The following PDE1C variants were observed in gnomAD, a reference collection of about 807,000 sequenced individuals.
The protein encoded by PDE1C is phosphodiesterase 1C.
Under a neutral mutation model 93.1 loss-of-function variants are expected in PDE1C, and 62 were observed. The observed-to-expected ratio is 0.67, with a 90% CI of 0.54 to 0.82. The LOEUF is 0.82. Ranked by LOEUF, PDE1C falls within the 40% of genes least tolerant of loss-of-function variation. The probability of loss-of-function intolerance (pLI) is 0.00; values close to 1 mark genes in which losing one functional copy is unlikely to be tolerated. For missense variants in PDE1C, 742 were observed against 884.6 expected (o/e 0.84, Z 2.04); for synonymous variants, 325 against 310.1 (o/e 1.05, Z -0.50).
At chr7:31,681,394 T>C in the PDE1C span, among the ~76,000 whole-genome samples, 10 of 10,010 alleles carry the variant, frequency 1.0e-3, no homozygotes, top group Admixed American at 0.01. Flanking sequence ...GATGGATGGA[T>C]GGATGGATGG....
chr7:32,305,334 A>C (rs1585098750), intron 1 of PDE1C, among the ~76,000 whole-genome samples: 1 of 152,082 alleles, frequency 6.6e-6, no homozygotes, highest in Admixed American at 6.5e-5. Flanking sequence ...TTTTCCTGCT[A>C]CCTCTGCAGC....
intron 1 of PDE1C, among the ~76,000 whole-genome samples, chr7:32,366,885 C>T (rs187702073): frequency 0.02 from 2,093 of 105,702 alleles, 58 homozygotes; most frequent in African/African-American, 0.076. Context: ...AAAAATTAGC[C>T]AGGCATGGTG....
chr7:31,853,023 C>T (rs1195991228), intron 7 of PDE1C, among the ~76,000 whole-genome samples: 1 of 148,946 alleles, frequency 6.7e-6, no homozygotes, highest in Non-Finnish European at 1.5e-5. Flanking sequence ...GACAGTGTAA[C>T]ATCTCAACGA....
chr7:32,153,827 A>G (rs549159301), intron 3 of PDE1C, among the ~76,000 whole-genome samples: 1 of 152,314 alleles, frequency 6.6e-6, no homozygotes, highest in South Asian at 2.1e-4. Flanking sequence ...TGATTTTAGA[A>G]TTTGTTTGGT....
At chr7:32,119,754 C>T (rs1245875333) in intron 3 of PDE1C, among the ~76,000 whole-genome samples, 1 of 152,178 alleles carries the variant, frequency 6.6e-6, no homozygotes, top group East Asian at 1.9e-4. Context: ...CCATGCAACC[C>T]ATGGATCAGA....
intron 2 of PDE1C, among the ~76,000 whole-genome samples, chr7:31,939,661 T>G (rs1805558777): frequency 6.6e-6 from 1 of 152,212 alleles, no homozygotes; most frequent in Admixed American, 6.5e-5. Context: ...GTTCTCACTT[T>G]ACTTGACTCA....
At chr7:32,181,697 G>C (rs1803438739) in intron 2 of PDE1C, among the ~76,000 whole-genome samples, 1 of 151,832 alleles carries the variant, frequency 6.6e-6, no homozygotes, top group African/African-American at 2.4e-5. Flanking sequence ...AGAGAAAGCA[G>C]GAAAGATCTA....
At chr7:32,096,718 T>C (rs1397436318) in intron 3 of PDE1C, among the ~76,000 whole-genome samples, 1 of 152,206 alleles carries the variant, frequency 6.6e-6, no homozygotes, top group South Asian at 2.1e-4. Context: ...TTTATTTATA[T>C]AGAAGCAATT....
chr7:31,707,647 G>T, the PDE1C span: 1 of 206,310 alleles, frequency 4.8e-6, no homozygotes, highest in Non-Finnish European at 9.8e-6. Context: ...TTTTGCTGCT[G>T]GGCAGGACTT....
Position 32,033,449 on chromosome 7 carries a change from T to A in PDE1C, c.128+18105A>T, listed in dbSNP as rs143478048. 2.6e-3 allele frequency among the ~76,000 whole-genome samples: 393 copies of A among 152,232 alleles called. 1 individual carries two copies. Among genetic ancestry groups the A allele is most frequent in the African/African-American group, 9.2e-3 (383 of 41,532 alleles). On this transcript the variant is annotated intron_variant, in intron 2 of 17. Coordinates refer to ENST00000396191, the MANE Select transcript of PDE1C (RefSeq NM_001191057.4). ...CCCTTTGTTATTAAGGGGATAAATG[T>A]CCTTCCTTCAGTCAGTACCTTGGCA...
rs532186603 is a variant in PDE1C at position 31,773,741 on chromosome 7, A to C, written c.1960+1923T>G. Among the ~76,000 whole-genome samples, 5 of 152,256 alleles carry C rather than the reference A, an allele frequency of 3.3e-5. No homozygotes were observed. In the East Asian group the frequency reaches 9.7e-4, roughly 30 times the overall value. On this transcript the variant is annotated intron_variant, in intron 17 of 17. Coordinates refer to ENST00000396191, the MANE Select transcript of PDE1C (RefSeq NM_001191057.4). ...GAGGCTGCTCACTCACGCACCACGT[A>C]CCCAGCTTAGAAACATTAATGCATA...
At chr7:32,034,993 A>G (rs1790855703) in intron 2 of PDE1C, among the ~76,000 whole-genome samples, 1 of 152,174 alleles carries the variant, frequency 6.6e-6, no homozygotes, top group African/African-American at 2.4e-5. Flanking sequence ...TATTATTACA[A>G]TCATACTCTA....
intron 1 of PDE1C, among the ~76,000 whole-genome samples, chr7:32,233,561 A>G (rs930431521): frequency 7.2e-5 from 11 of 152,156 alleles, no homozygotes; most frequent in African/African-American, 2.7e-4. Flanking sequence ...AGTCAACTTC[A>G]GAATAAAGGA....
intron 17 of PDE1C, among the ~76,000 whole-genome samples, chr7:31,770,825 G>T (rs1018212598): frequency 3.3e-5 from 5 of 152,136 alleles, no homozygotes; most frequent in African/African-American, 1.2e-4. Flanking sequence ...TATGGTTCAT[G>T]ATCTTTCATT....
intron 2 of PDE1C, among the ~76,000 whole-genome samples, chr7:31,985,344 G>A (rs1783236887): frequency 6.6e-6 from 1 of 152,096 alleles, no homozygotes; most frequent in South Asian, 2.1e-4. Context: ...CCCCCAAAAA[G>A]TGGCTTTCCA....
chr7:32,288,940 G>T (rs900670241), intron 1 of PDE1C, among the ~76,000 whole-genome samples: 10 of 152,296 alleles, frequency 6.6e-5, no homozygotes, highest in East Asian at 3.9e-4. Flanking sequence ...TTCAGGTTTG[G>T]CATGAACTAG....
intron 1 of PDE1C, among the ~76,000 whole-genome samples, chr7:32,410,636 TATGGGTTCAGCCA>T (rs369256100): frequency 0.014 from 2,171 of 152,178 alleles, 60 homozygotes; most frequent in African/African-American, 0.05. Context: ...TCTGGATTCC[TATGGGTTCAGCCA>T]ATGGGAGGCA....
At chr7:32,336,962 A>T (rs890436329) in intron 1 of PDE1C, among the ~76,000 whole-genome samples, 1 of 152,150 alleles carries the variant, frequency 6.6e-6, no homozygotes, top group Non-Finnish European at 1.5e-5. Flanking sequence ...TACTTTCTAC[A>T]CAGGTCCTGA....
chr7:32,138,640 T>A (rs545383753), intron 3 of PDE1C, among the ~76,000 whole-genome samples: 1 of 152,254 alleles, frequency 6.6e-6, no homozygotes, highest in African/African-American at 2.4e-5. Context: ...GAGTTGAGGT[T>A]TGTGGGCATT....
Sources: gnomAD v4.1 joint callset for allele counts (sites outside exome capture counted in the v4.1 genomes callset) on GRCh38, gnomAD v4.1.1 for gene constraint, MANE v1.5 for transcripts, NCBI Gene and HGNC (gene_info 2026-07-23, HGNC 2026-07-21) for gene names.